The following MGLL variants were observed in gnomAD, a reference collection of about 807,000 sequenced individuals.
MGLL encodes the protein lysophospholipase homolog.
Under a neutral mutation model 29.1 loss-of-function variants are expected in MGLL, and 7 were observed. That is an observed-to-expected ratio of 0.24 (90% confidence interval 0.14 to 0.45). The LOEUF is 0.45. Among genes scored for constraint, MGLL ranks in the 20% least tolerant of loss-of-function variants. The pLI, the probability that MGLL is intolerant of heterozygous loss-of-function variation, is 0.99. For synonymous variants in MGLL, 148 were observed against 168.3 expected (o/e 0.88, Z 0.93); for missense variants, 356 against 413.6 (o/e 0.86, Z 1.21).
Position 127,690,396 on chromosome 3 carries a change from C to T in MGLL, c.*1802G>A, listed in dbSNP as rs1362516233. 6.6e-6 allele frequency: 1 copy of T among 152,242 alleles called. No homozygotes were observed. The highest frequency in any genetic ancestry group is 1.5e-5 in the Non-Finnish European group (1 of 68,070). 9.4% of individuals were successfully genotyped at this position (152,242 alleles called of 1,614,324 possible). On this transcript the variant is annotated 3_prime_UTR_variant, in exon 8 of 8. Coordinates refer to ENST00000265052, the MANE Select transcript of MGLL (RefSeq NM_007283.7). The stretch of plus-strand genomic sequence containing the variant: ...CTTGTGGGGTGAGGGCTTGGCTCCT[C>T]CCCCAGGGCACAGAGTGATCTTCAG...
At chr3:127,757,016 T>C (rs2076677714) in intron 3 of MGLL, among the ~76,000 whole-genome samples, 2 of 152,222 alleles carry the variant, frequency 1.3e-5, no homozygotes, top group African/African-American at 4.8e-5. Flanking sequence ...AAATAAATGT[T>C]GGGCTTGGCC....
intron 6 of MGLL, 135 bp downstream of exon 6, chr3:127,710,441 A>G (rs1576485988): frequency 1.2e-6 from 1 of 835,518 alleles, no homozygotes; most frequent in South Asian, 1.5e-5. Flanking sequence ...TGTCTAATGC[A>G]CCACTGTGTC....
chr3:127,811,716 T>A (rs1038086845), intron 2 of MGLL, among the ~76,000 whole-genome samples: 7 of 152,192 alleles, frequency 4.6e-5, no homozygotes, highest in Admixed American at 6.5e-5. Flanking sequence ...ACTGCCACCT[T>A]AATAACAGAT....
chr3:127,790,153 C>T (rs1426508165), intron 2 of MGLL, among the ~76,000 whole-genome samples: 2 of 152,196 alleles, frequency 1.3e-5, no homozygotes, highest in African/African-American at 4.8e-5. Flanking sequence ...GCCTAGGTGA[C>T]AAGTGACTCA....
At chr3:127,812,085 A>G (rs753468341) in intron 2 of MGLL, among the ~76,000 whole-genome samples, 4 of 152,258 alleles carry the variant, frequency 2.6e-5, no homozygotes, top group East Asian at 1.9e-4. Flanking sequence ...CAACCATGAT[A>G]ACGTAATCAG....
chr3:127,702,829 G>A (rs2075520011), intron 6 of MGLL, among the ~76,000 whole-genome samples: 1 of 152,042 alleles, frequency 6.6e-6, no homozygotes, highest in African/African-American at 2.4e-5. Context: ...CGAGTAGCTG[G>A]GATTACAGGC....
chr3:127,813,597 C>A (rs1394001207), intron 2 of MGLL, among the ~76,000 whole-genome samples: 1 of 152,190 alleles, frequency 6.6e-6, no homozygotes, highest in African/African-American at 2.4e-5. Context: ...GAAGCAGAAG[C>A]AACGTGTGAT....
chr3:127,795,009 C>T (rs1174344210), intron 2 of MGLL, among the ~76,000 whole-genome samples: 4 of 152,246 alleles, frequency 2.6e-5, no homozygotes, highest in Admixed American at 2.0e-4. Flanking sequence ...CTCAACTCAG[C>T]AATCCCATTA....
chr3:127,697,987 C>T (rs1265879189), intron 6 of MGLL, among the ~76,000 whole-genome samples: 1 of 152,226 alleles, frequency 6.6e-6, no homozygotes, highest in African/African-American at 2.4e-5. Context: ...CTGCTTTGCC[C>T]CGCTGACCCC....
chr3:127,773,074 C>T (rs141655778), intron 3 of MGLL, among the ~76,000 whole-genome samples: 2 of 152,318 alleles, frequency 1.3e-5, no homozygotes, highest in East Asian at 3.9e-4. Flanking sequence ...CTGAAGGCAA[C>T]AGCTGGGCTC....
At chr3:127,786,802 G>T (rs2077222645) in intron 2 of MGLL, among the ~76,000 whole-genome samples, 2 of 152,218 alleles carry the variant, frequency 1.3e-5, no homozygotes, top group African/African-American at 4.8e-5. Context: ...TGCGGATGGG[G>T]CAGGGGTCTT....
At chr3:127,782,901 G>GGCATAGA (rs1390034326) in intron 2 of MGLL, among the ~76,000 whole-genome samples, 3 of 152,092 alleles carry the variant, frequency 2.0e-5, no homozygotes, top group African/African-American at 7.2e-5. Context: ...GAAGTTAAGT[G>GGCATAGA]AGTTGGGCCA....
At chr3:127,742,945 G>C (rs1576535311) in intron 3 of MGLL, among the ~76,000 whole-genome samples, 2 of 152,316 alleles carry the variant, frequency 1.3e-5, no homozygotes, top group East Asian at 3.9e-4. Flanking sequence ...CTCTCGAGTA[G>C]CTGGGATTAC....
intron 3 of MGLL, among the ~76,000 whole-genome samples, chr3:127,729,081 T>C (rs927245446): frequency 6.6e-6 from 1 of 152,156 alleles, no homozygotes; most frequent in Admixed American, 6.5e-5. Flanking sequence ...ATTTGTCTTT[T>C]GACTTTGTTT....
chr3:127,739,912 A>G (rs1039764476), intron 3 of MGLL, among the ~76,000 whole-genome samples: 2 of 152,170 alleles, frequency 1.3e-5, no homozygotes, highest in African/African-American at 4.8e-5. Context: ...TGTCTAGGTG[A>G]AGCACGTATA....
chr3:127,823,118 C>G (rs898522038), upstream of MGLL: 1 of 152,038 alleles, frequency 6.6e-6, no homozygotes, highest in African/African-American at 2.4e-5. Flanking sequence ...GTTCCCCGAG[C>G]GCAGCGGATC....
intron 1 of MGLL, 145 bp from the exon 2 acceptor site, chr3:127,821,983 T>C (rs866309671): frequency 6.5e-5 from 59 of 903,294 alleles, no homozygotes; most frequent in African/African-American, 1.9e-4. Flanking sequence ...AAAACATACA[T>C]ACATTTCTTG....
chr3:127,739,340 A>G lies in MGLL; in HGVS notation c.263-16774T>C, dbSNP rs9874425. The stretch of plus-strand genomic sequence containing the variant: ...TGAGTTTAACTGAGATAATTGCTAT[A>G]AAGTGCTTAGAGCAGTAAGACACAG... On this transcript the variant is annotated intron_variant, in intron 3 of 7. Coordinates refer to ENST00000265052, the MANE Select transcript of MGLL (RefSeq NM_007283.7). 6.6e-3 allele frequency among the ~76,000 whole-genome samples: 1,012 copies of G among 152,328 alleles called. 13 individuals carry two copies. Among genetic ancestry groups the G allele is most frequent in the African/African-American group, 0.023 (957 of 41,556 alleles).
At chr3:127,804,828 C>T (rs542860707) in intron 2 of MGLL, among the ~76,000 whole-genome samples, 5 of 152,260 alleles carry the variant, frequency 3.3e-5, no homozygotes, top group Admixed American at 1.3e-4. Flanking sequence ...TGGGGGTCTG[C>T]AGGCACCTCG....
Sources: allele counts gnomAD v4.1 joint callset (sites outside exome capture counted in the v4.1 genomes callset), GRCh38; gene constraint gnomAD v4.1.1; transcripts MANE v1.5; gene names NCBI Gene and HGNC (gene_info 2026-07-23, HGNC 2026-07-21).